The following FBXO22 variants were observed in gnomAD, a reference collection of about 807,000 sequenced individuals.
The protein encoded by FBXO22 is F-box protein 22, also known as F-box only protein 22.
Under a neutral mutation model 37.2 loss-of-function variants are expected in FBXO22, and 13 were observed. That is an observed-to-expected ratio of 0.35 (90% CI 0.23 to 0.56). FBXO22 has a LOEUF of 0.56. Among genes scored for constraint, FBXO22 ranks in the 20% least tolerant of loss-of-function variants. FBXO22 has a pLI of 0.87. For missense variants in FBXO22, 446 were observed against 509.9 expected (o/e 0.87, Z 1.21); for synonymous variants, 189 against 189.1 (o/e 1.00, Z 0.00).
chr15:75,930,823 T>C, intron 6 of FBXO22: 1 of 985,458 alleles, frequency 1.0e-6, no homozygotes, highest in Non-Finnish European at 1.2e-6. Flanking sequence ...CTCTGTTTAA[T>C]ATTTGCATCC....
At position 75,937,078 on chromosome 15, in the gene FBXO22, ATACTT is replaced by A. The variant is rs2030416758; in HGVS notation, c.*3977_*3981del. The stretch of plus-strand genomic sequence containing the variant: ...TAATTATGACTAAAATTTAATCACT[ATACTT>A]AATAAACATACTCTATTCAAGGTCT... On this transcript the variant is annotated 3_prime_UTR_variant, in exon 7 of 7. Transcript: ENST00000308275. The A allele has an allele frequency of 6.6e-6, 1 of 152,092 alleles. No individual in the cohort carries two copies. Among genetic ancestry groups the A allele is most frequent in the South Asian group, 2.1e-4 (1 of 4,822 alleles). The allele number at this position is 152,092 out of a possible 1,614,324, so 9.4% of individuals were successfully genotyped here. A position where few individuals can be genotyped will look rare whatever the true frequency, so the allele number is the denominator to read the frequency against.
chr15:75,917,747 T>C (rs1004686398), intron 5 of FBXO22, among the ~76,000 whole-genome samples: 1 of 152,264 alleles, frequency 6.6e-6, no homozygotes, highest in Non-Finnish European at 1.5e-5. Flanking sequence ...ATTTTTGTTT[T>C]GTTAACCTTT....
intron 5 of FBXO22, among the ~76,000 whole-genome samples, chr15:75,921,233 A>G (rs1900316140): frequency 6.6e-6 from 1 of 152,202 alleles, no homozygotes; most frequent in Admixed American, 6.5e-5. Context: ...GGCACTTAAC[A>G]TGAATGGGAC....
Position 75,919,719 on chromosome 15 carries a change from C to A in FBXO22, c.628+2325C>A, listed in dbSNP as rs191364656. Reference sequence around the variant, plus strand: ...GGCTTTACTGTGTGTCACATGGGCCCTTCATCTGCAGTGTGGCCTTGTAGT... The same window carrying A: ...GGCTTTACTGTGTGTCACATGGGCCATTCATCTGCAGTGTGGCCTTGTAGT... On this transcript the variant is annotated intron_variant, in intron 5 of 6. Coordinates refer to ENST00000308275, the MANE Select transcript of FBXO22 (RefSeq NM_147188.3). Among the ~76,000 whole-genome samples the A allele has an allele frequency of 1.7e-3, 266 of 152,300 alleles. 5 individuals carry two copies. Among genetic ancestry groups the A allele is most frequent in the African/African-American group, 5.8e-3 (241 of 41,556 alleles).
chr15:75,906,405 T>C (rs1441687288), intron 2 of FBXO22, among the ~76,000 whole-genome samples: 1 of 152,146 alleles, frequency 6.6e-6, no homozygotes, highest in Non-Finnish European at 1.5e-5. Context: ...GTATATACAT[T>C]AGTATATACA....
At chr15:75,927,806 A>T (rs566712746) in intron 5 of FBXO22, among the ~76,000 whole-genome samples, 1 of 152,294 alleles carries the variant, frequency 6.6e-6, no homozygotes, top group Admixed American at 6.5e-5. Flanking sequence ...TCATTCACGC[A>T]TCTGCATACC....
chr15:75,922,892 G>GCACCC (rs1900357752), intron 5 of FBXO22, among the ~76,000 whole-genome samples: 1 of 152,220 alleles, frequency 6.6e-6, no homozygotes, highest in African/African-American at 2.4e-5. Flanking sequence ...AAGGGTGATG[G>GCACCC]TGGTGCAGAG....
Position 75,933,221 on chromosome 15 carries a change from T to C in FBXO22, c.*119T>C. ...TTTAGATATATCTTTTTTGTAGCTT[T>C]GATTGATGCTCTAAGATCACATGAG... On this transcript the variant is annotated 3_prime_UTR_variant, in exon 7 of 7. Transcript: ENST00000308275. The C allele has an allele frequency of 1.2e-6, 1 of 802,630 alleles. No individual in the cohort carries two copies. The highest frequency in any genetic ancestry group is 1.9e-6 in the Non-Finnish European group (1 of 515,438). 49.7% of individuals were successfully genotyped at this position (802,630 alleles called of 1,614,324 possible).
At chr15:75,910,595 G>A (rs940218641) in intron 2 of FBXO22, among the ~76,000 whole-genome samples, 28 of 152,094 alleles carry the variant, frequency 1.8e-4, no homozygotes, top group South Asian at 4.1e-4. Context: ...CATATCCCTC[G>A]CCCACTTTTT....
chr15:75,913,299 CAAAAG>C lies in FBXO22; in HGVS notation c.367+15_367+19del, dbSNP rs1900108465. 6.3e-7 allele frequency: 1 copy of C among 1,577,546 alleles called. No homozygotes were observed. Among genetic ancestry groups the C allele is most frequent in the South Asian group, 1.1e-5 (1 of 89,764 alleles). ...TCGTGGCCATAAGAGAGGTAAATAT[CAAAAG>C]AAAAGCTTTTGCTTCTGTTTTTTTA... On this transcript the variant is annotated intron_variant, in intron 3 of 6. Coordinates refer to ENST00000308275, the MANE Select transcript of FBXO22 (RefSeq NM_147188.3).
chr15:75,917,481 G>C (rs1900216829), intron 5 of FBXO22, 87 bp downstream of exon 5: 1 of 974,162 alleles, frequency 1.0e-6, no homozygotes, highest in Non-Finnish European at 1.5e-6. Context: ...TGGATATTAG[G>C]TTCCTTTGGG....
chr15:75,926,705 C>G (rs954459705), intron 5 of FBXO22, among the ~76,000 whole-genome samples: 1 of 152,036 alleles, frequency 6.6e-6, no homozygotes, highest in South Asian at 2.1e-4. Context: ...AAGAGGTTTT[C>G]AATACATGTT....
At position 75,941,960 on chromosome 15, in the gene FBXO22, A is replaced by AAAAAACC. The variant is rs142812746; in HGVS notation, c.*8859_*8860insAAAACCA. The AAAAAACC allele has an allele frequency of 1.1e-5, 1 of 93,766 alleles. No individual in the cohort carries two copies. Among genetic ancestry groups the AAAAAACC allele is most frequent in the African/African-American group, 3.9e-5 (1 of 25,782 alleles). The allele number at this position is 93,766 out of a possible 1,614,324, so 5.8% of individuals were successfully genotyped here. A position where few individuals can be genotyped will look rare whatever the true frequency, so the allele number is the denominator to read the frequency against. ...ACCACCAAAAAAAAAAAAAAAAAAA[A>AAAAAACC]ATATGGCCTAGCTTTTTTTTTTTTT... On this transcript the variant is annotated 3_prime_UTR_variant, in exon 7 of 7. Coordinates refer to ENST00000308275, the MANE Select transcript of FBXO22 (RefSeq NM_147188.3).
chr15:75,917,193 T>G (rs891218070), intron 4 of FBXO22, 37 bp from the exon 5 acceptor site: 1 of 1,513,740 alleles, frequency 6.6e-7, no homozygotes. Flanking sequence ...TAGTTTTTAC[T>G]GACTCTATTG....
At chr15:75,914,006 GT>G in intron 3 of FBXO22, 103 bp from the exon 4 acceptor site, 1 of 768,790 alleles carries the variant, frequency 1.3e-6, no homozygotes, top group Admixed American at 2.4e-5. Context: ...GCATTCTCGT[GT>G]TAAATGACTT....
intron 5 of FBXO22, 129 bp downstream of exon 5, chr15:75,917,523 G>A: frequency 1.6e-6 from 1 of 626,940 alleles, no homozygotes; most frequent in Non-Finnish European, 2.7e-6. Flanking sequence ...TGTCACTGGA[G>A]ATGTGGCTAA....
intron 3 of FBXO22, 41 bp downstream of exon 3, chr15:75,913,331 C>A: frequency 7.3e-7 from 1 of 1,365,780 alleles, no homozygotes; most frequent in South Asian, 1.2e-5. Flanking sequence ...GTTTTTTTAT[C>A]ATGTGCCTTC....
At chr15:75,922,344 G>C (rs1448827315) in intron 5 of FBXO22, among the ~76,000 whole-genome samples, 2 of 152,232 alleles carry the variant, frequency 1.3e-5, no homozygotes, top group African/African-American at 4.8e-5. Flanking sequence ...CATAACCCAA[G>C]TGAGTATGTG....
At chr15:75,908,918 A>G (rs763578385) in intron 2 of FBXO22, among the ~76,000 whole-genome samples, 3 of 152,188 alleles carry the variant, frequency 2.0e-5, no homozygotes, top group Non-Finnish European at 4.4e-5. Context: ...CCATCATGCT[A>G]TCTGTCTCTT....
Sources: gnomAD v4.1 joint callset for allele counts (sites outside exome capture counted in the v4.1 genomes callset) on GRCh38, gnomAD v4.1.1 for gene constraint, MANE v1.5 for transcripts, NCBI Gene and HGNC (gene_info 2026-07-23, HGNC 2026-07-21) for gene names.